NAALADL2: variants seen among roughly 807,000 people sequenced by gnomAD.
NAALADL2 encodes the protein inactive N-acetylated-alpha-linked acidic dipeptidase-like protein 2.
In NAALADL2, 76 loss-of-function variants were observed where a neutral mutation model predicts 87.2. The ratio of observed to expected loss-of-function variants is 0.87; its 90% CI spans 0.72 to 1.05. NAALADL2 has a LOEUF of 1.05. Ranked by LOEUF, NAALADL2 falls within the 50% of genes least tolerant of loss-of-function variation. NAALADL2 has a pLI of 0.00. For missense variants in NAALADL2, 1,089 were observed against 945.8 expected, an observed-to-expected ratio of 1.15 and a Z score of -1.99; for synonymous variants, 354 against 331.0, an observed-to-expected ratio of 1.07 and a Z score of -0.75.
intron 1 of NAALADL2, among the ~76,000 whole-genome samples, chr3:174,527,091 G>A (rs1720835752): frequency 1.3e-5 from 2 of 152,158 alleles, no homozygotes; most frequent in African/African-American, 4.8e-5. Flanking sequence ...GTAGAGGGTG[G>A]AGTGAAAAGT....
chr3:175,000,854 T>C (rs1172593493), intron 1 of NAALADL2, among the ~76,000 whole-genome samples: 1 of 152,226 alleles, frequency 6.6e-6, no homozygotes, highest in Non-Finnish European at 1.5e-5. Flanking sequence ...ATTTTCTTTT[T>C]ACATATATAG....
At chr3:174,984,413 G>A (rs1560441734) in intron 1 of NAALADL2, among the ~76,000 whole-genome samples, 1 of 150,868 alleles carries the variant, frequency 6.6e-6, no homozygotes. Context: ...AATGTAGCTT[G>A]TTTAATTTTT....
intron 9 of NAALADL2, among the ~76,000 whole-genome samples, chr3:175,477,103 C>G (rs1162749586): frequency 6.6e-6 from 1 of 151,972 alleles, no homozygotes; most frequent in Non-Finnish European, 1.5e-5. Context: ...GGGGCAAACA[C>G]CAAAACATTG....
chr3:175,029,888 T>C (rs1752633296), intron 1 of NAALADL2, among the ~76,000 whole-genome samples: 1 of 152,128 alleles, frequency 6.6e-6, no homozygotes, highest in African/African-American at 2.4e-5. Context: ...CAATAGGTGC[T>C]TTAAATACTT....
intron 1 of NAALADL2, among the ~76,000 whole-genome samples, chr3:174,475,093 AC>A (rs1273490882): frequency 6.6e-6 from 1 of 151,912 alleles, no homozygotes; most frequent in African/African-American, 2.4e-5. Flanking sequence ...TTAGATTCTT[AC>A]CTAAATGATT....
At chr3:174,854,068 G>T (rs897027776) in intron 3 of NAALADL2, among the ~76,000 whole-genome samples, 1 of 152,118 alleles carries the variant, frequency 6.6e-6, no homozygotes, top group Admixed American at 6.5e-5. Flanking sequence ...TATCAAAGAT[G>T]TATTTGAACT....
intron 1 of NAALADL2, among the ~76,000 whole-genome samples, chr3:175,069,933 A>T (rs1278531497): frequency 6.8e-6 from 1 of 146,982 alleles, no homozygotes; most frequent in Non-Finnish European, 1.5e-5. Context: ...AACACCGCAT[A>T]TTCTCACTCA....
chr3:174,715,194 T>C (rs1397602833), intron 2 of NAALADL2, among the ~76,000 whole-genome samples: 1 of 152,190 alleles, frequency 6.6e-6, no homozygotes, highest in Admixed American at 6.5e-5. Context: ...TGTTTTTCAA[T>C]ATATCACCTA....
intron 1 of NAALADL2, among the ~76,000 whole-genome samples, chr3:174,909,803 A>G (rs1451786916): frequency 6.6e-6 from 1 of 152,176 alleles, no homozygotes; most frequent in Non-Finnish European, 1.5e-5. Flanking sequence ...AACCTAGCAC[A>G]TAGTATGAAT....
chr3:175,071,515 CTG>C (rs1715638562), intron 1 of NAALADL2, among the ~76,000 whole-genome samples: 1 of 151,976 alleles, frequency 6.6e-6, no homozygotes, highest in Admixed American at 6.6e-5. Flanking sequence ...TTACATACCT[CTG>C]GGAGAGTATA....
At chr3:174,907,767 G>A (rs1733151520) in intron 1 of NAALADL2, among the ~76,000 whole-genome samples, 1 of 152,002 alleles carries the variant, frequency 6.6e-6, no homozygotes, top group African/African-American at 2.4e-5. Context: ...TGTATAGATG[G>A]GAGTTTGGCT....
chr3:175,487,756 G>A (rs1727510246), intron 9 of NAALADL2: 1 of 271,304 alleles, frequency 3.7e-6, no homozygotes, highest in African/African-American at 2.2e-5. Flanking sequence ...AAGATACATT[G>A]TAGTAGAAAA....
At chr3:174,610,321 T>C (rs1445008314) in intron 2 of NAALADL2, among the ~76,000 whole-genome samples, 1 of 151,782 alleles carries the variant, frequency 6.6e-6, no homozygotes, top group Non-Finnish European at 1.5e-5. Flanking sequence ...AAATGGGATC[T>C]AATTAAACTA....
At chr3:174,479,499 A>G (rs1162210984) in intron 1 of NAALADL2, among the ~76,000 whole-genome samples, 1 of 152,114 alleles carries the variant, frequency 6.6e-6, no homozygotes. Flanking sequence ...TCTATAATCC[A>G]TACCTCTTAT....
chr3:175,038,469 A>G (rs1409138625), intron 1 of NAALADL2, among the ~76,000 whole-genome samples: 1 of 152,194 alleles, frequency 6.6e-6, no homozygotes, highest in Non-Finnish European at 1.5e-5. Context: ...CAAGTTGTAG[A>G]CCTTTGACAA....
chr3:175,626,227 C>T (rs1166866665), intron 10 of NAALADL2, among the ~76,000 whole-genome samples: 1 of 151,822 alleles, frequency 6.6e-6, no homozygotes, highest in East Asian at 1.9e-4. Context: ...CTTTATTGAA[C>T]TCTGAATTCC....
At chr3:175,527,049 T>C (rs941390970) in intron 9 of NAALADL2, among the ~76,000 whole-genome samples, 12 of 152,082 alleles carry the variant, frequency 7.9e-5, no homozygotes, top group African/African-American at 2.9e-4. Context: ...TTAAAATGAA[T>C]GGAGCCTGAG....
At chr3:174,859,546 C>A in intron 1 of NAALADL2, 96 bp downstream of exon 1, 1 of 957,304 alleles carries the variant, frequency 1.0e-6, no homozygotes, top group Non-Finnish European at 1.6e-6. Flanking sequence ...TATGCACACA[C>A]GCATCCCTGC....
At chr3:175,355,363 C>T (rs1680688021) in intron 5 of NAALADL2, among the ~76,000 whole-genome samples, 1 of 152,112 alleles carries the variant, frequency 6.6e-6, no homozygotes, top group African/African-American at 2.4e-5. Flanking sequence ...AGACACCGCG[C>T]CCAGCCACAG....
Sources: gnomAD v4.1 joint callset for allele counts (sites outside exome capture counted in the v4.1 genomes callset) on GRCh38, gnomAD v4.1.1 for gene constraint, MANE v1.5 for transcripts, NCBI Gene and HGNC (gene_info 2026-07-23, HGNC 2026-07-21) for gene names.